Variants in EFL1 observed in about 807,000 individuals in gnomAD.
EFL1 encodes elongation factor-like GTPase 1.
A neutral mutation model predicts 126.7 loss-of-function variants in EFL1; 76 were observed. The observed-to-expected ratio is 0.60, with a 90% CI of 0.50 to 0.73. The LOEUF (loss-of-function observed/expected upper bound fraction) is 0.73, where lower values mean the gene tolerates loss of function less well. EFL1 is among the 30% of genes least tolerant of loss of function. The pLI is 0.00. For synonymous variants in EFL1, 410 were observed against 448.4 expected (o/e 0.91, Z 1.08); for missense variants, 1,128 against 1,343.2 (o/e 0.84, Z 2.50).
At chr15:82,158,733 A>G (rs1567044497) in intron 16 of EFL1, among the ~76,000 whole-genome samples, 1 of 152,242 alleles carries the variant, frequency 6.6e-6, no homozygotes, top group Non-Finnish European at 1.5e-5. Flanking sequence ...AAGTCGATTA[A>G]CTGGGAGCAG....
intron 15 of EFL1, among the ~76,000 whole-genome samples, chr15:82,169,887 G>A (rs2074116056): frequency 6.6e-6 from 1 of 152,160 alleles, no homozygotes; most frequent in South Asian, 2.1e-4. Flanking sequence ...GGTCTTCACA[G>A]AGTTTAAAAT....
chr15:82,253,357 T>C (rs1596011742), intron 3 of EFL1, among the ~76,000 whole-genome samples: 2 of 152,136 alleles, frequency 1.3e-5, no homozygotes, highest in Admixed American at 1.3e-4. Context: ...TTTTTTTTTT[T>C]TTTAAGATGA....
intron 3 of EFL1, among the ~76,000 whole-genome samples, chr15:82,256,830 GAATA>G (rs1349759719): frequency 6.6e-6 from 1 of 152,118 alleles, no homozygotes; most frequent in Non-Finnish European, 1.5e-5. Context: ...ATTTGGATAT[GAATA>G]ATCATCTTTT....
chr15:82,214,698 A>T lies in EFL1; in HGVS notation c.1750+19T>A. ...TCTCCTAGAATGGAGTAAGGATAAAATAAACAGCATCACCCTACCTAGCAC... is the reference window on the plus strand; with the variant it reads ...TCTCCTAGAATGGAGTAAGGATAAATTAAACAGCATCACCCTACCTAGCAC... On this transcript the variant is annotated intron_variant, in intron 15 of 19. Transcript: ENST00000268206. 11 of 1,458,984 alleles carry T rather than the reference A, an allele frequency of 7.5e-6. No homozygotes were observed. Among genetic ancestry groups the T allele is most frequent in the Non-Finnish European group, 1.0e-5 (11 of 1,067,312 alleles). The allele number at this position is 1,458,984 out of a possible 1,614,324, so 90.4% of individuals were successfully genotyped here.
At position 82,146,895 on chromosome 15, in the gene EFL1, AAT is replaced by A. The variant is rs532055160; in HGVS notation, c.2989+4568_2989+4569del. On this transcript the variant is annotated intron_variant, in intron 18 of 19. Coordinates refer to ENST00000268206, the MANE Select transcript of EFL1 (RefSeq NM_024580.6). ...GGTGACAAAGAACCCTGAGGGTTAA[AAT>A]ATATATTTCTTCCTGGAAAGTGGCA... Among the ~76,000 whole-genome samples, 46 of 152,280 alleles carry A rather than the reference AAT, an allele frequency of 3.0e-4. No individual in the cohort carries two copies. In the South Asian group the frequency reaches 9.3e-3, roughly 31 times the overall value.
At chr15:82,174,261 G>C (rs2074169520) in intron 15 of EFL1, 1 of 152,054 alleles carries the variant, frequency 6.6e-6, no homozygotes, top group Non-Finnish European at 1.5e-5. Context: ...CTACCACAAA[G>C]TATGCAGTAG....
intron 7 of EFL1, among the ~76,000 whole-genome samples, chr15:82,234,243 G>A (rs2074850377): frequency 6.6e-6 from 1 of 152,162 alleles, no homozygotes; most frequent in African/African-American, 2.4e-5. Context: ...TTAGCAGAAT[G>A]CTCACAAATC....
intron 16 of EFL1, among the ~76,000 whole-genome samples, chr15:82,160,609 A>C (rs1041579840): frequency 7.2e-5 from 11 of 152,230 alleles, no homozygotes; most frequent in Admixed American, 2.0e-4. Flanking sequence ...ATAAAACAGC[A>C]CAAAAATTCA....
chr15:82,146,080 C>T (rs1180108357), intron 18 of EFL1, among the ~76,000 whole-genome samples: 1 of 151,992 alleles, frequency 6.6e-6, no homozygotes, highest in African/African-American at 2.4e-5. Flanking sequence ...TAAACCACAT[C>T]TTTAGAAAAG....
rs144598167 is a variant in EFL1 at position 82,240,670 on chromosome 15, T to C, written c.379-115A>G. 1.2e-3 allele frequency: 1,442 copies of C among 1,222,092 alleles called. 21 individuals carry two copies. The African/African-American group carries it at 0.02, about 17-fold the overall frequency. The allele number at this position is 1,222,092 out of a possible 1,614,324, so 75.7% of individuals were successfully genotyped here. On this transcript the variant is annotated intron_variant, in intron 5 of 19. Transcript: ENST00000268206. ...ATGCCAGTCAGACAAAGGTATTCAT[T>C]AGGCATTCACAAACTATGTATACAG... is the stretch of plus-strand genomic sequence containing the variant.
chr15:82,230,008 G>C (rs1192251686), intron 8 of EFL1, among the ~76,000 whole-genome samples: 1 of 152,136 alleles, frequency 6.6e-6, no homozygotes, highest in Non-Finnish European at 1.5e-5. Flanking sequence ...CTCAAGGCAT[G>C]CTCTTTCCCA....
chr15:82,199,602 G>C (rs1466414062), intron 15 of EFL1, among the ~76,000 whole-genome samples: 1 of 152,110 alleles, frequency 6.6e-6, no homozygotes, highest in Non-Finnish European at 1.5e-5. Flanking sequence ...CATAATGCTG[G>C]GTTTAAGCTG....
chr15:82,153,516 C>G (rs1035758907), intron 17 of EFL1, among the ~76,000 whole-genome samples: 2 of 152,026 alleles, frequency 1.3e-5, no homozygotes, highest in African/African-American at 4.8e-5. Context: ...TGTAGTATTT[C>G]TTTAGTAGGC....
intron 7 of EFL1, chr15:82,233,757 C>T (rs1006973730): frequency 6.6e-6 from 1 of 152,136 alleles, no homozygotes; most frequent in Non-Finnish European, 1.5e-5. Flanking sequence ...CTAGGTTCAG[C>T]CTCTAGTCAC....
intron 15 of EFL1, among the ~76,000 whole-genome samples, chr15:82,194,206 G>A (rs1436140327): frequency 6.6e-6 from 1 of 152,036 alleles, no homozygotes; most frequent in Non-Finnish European, 1.5e-5. Context: ...TTCCTTTATC[G>A]GGAGGTATCT....
chr15:82,177,967 T>C (rs144654231), intron 15 of EFL1, among the ~76,000 whole-genome samples: 1 of 152,344 alleles, frequency 6.6e-6, no homozygotes, highest in East Asian at 1.9e-4. Context: ...CTTGCATATG[T>C]GACTCTCTGA....
intron 15 of EFL1, among the ~76,000 whole-genome samples, chr15:82,202,465 G>A (rs1237612700): frequency 6.6e-6 from 1 of 152,164 alleles, no homozygotes; most frequent in East Asian, 1.9e-4. Context: ...GGAAATCAGT[G>A]ATAACAATTA....
chr15:82,138,521 C>G, intron 19 of EFL1, 137 bp downstream of exon 19: 1 of 961,112 alleles, frequency 1.0e-6, no homozygotes, highest in Non-Finnish European at 1.5e-6. Flanking sequence ...CATTTGCTTT[C>G]TCCTGTCCAT....
chr15:82,201,552 T>C (rs983456076), intron 15 of EFL1, among the ~76,000 whole-genome samples: 3 of 152,220 alleles, frequency 2.0e-5, no homozygotes, highest in African/African-American at 7.2e-5. Flanking sequence ...GTAAACGATA[T>C]CTTAAAAGAA....
Sources: allele counts gnomAD v4.1 joint callset (sites outside exome capture counted in the v4.1 genomes callset), GRCh38; gene constraint gnomAD v4.1.1; transcripts MANE v1.5; gene names NCBI Gene and HGNC (gene_info 2026-07-23, HGNC 2026-07-21).